The following CD59 variants were observed in gnomAD, a reference collection of about 807,000 sequenced individuals.
The protein encoded by CD59 is CD59 glycoprotein.
A neutral mutation model predicts 7.0 loss-of-function variants in CD59; 3 were observed. The observed-to-expected ratio is 0.43, with a 90% CI of 0.19 to 1.10. The LOEUF is 1.10. Among genes scored for constraint, CD59 ranks in the 50% least tolerant of loss-of-function variants. The probability of loss-of-function intolerance (pLI) is 0.29; values close to 1 mark genes in which losing one functional copy is unlikely to be tolerated. For synonymous variants in CD59, 60 were observed against 62.0 expected, an observed-to-expected ratio of 0.97 and a Z score of 0.15; for missense variants, 143 against 151.0, an observed-to-expected ratio of 0.95 and a Z score of 0.28.
chr11:33,717,361 G>C lies in CD59; in HGVS notation c.169+9C>G. The C allele has an allele frequency of 6.3e-7, 1 of 1,578,734 alleles. No individual in the cohort carries two copies. The highest frequency in any genetic ancestry group is 2.2e-5 in the East Asian group (1 of 44,724). ...TTACATTTAGGAGACAGACAGGGGA[G>C]GCTCTTACCAGCTTTGGTAATGAGA... On this transcript the variant is annotated intron_variant, in intron 3 of 3. Transcript: ENST00000642928.
intron 1 of CD59, among the ~76,000 whole-genome samples, chr11:33,726,902 G>A (rs1262188539): frequency 2.6e-5 from 4 of 152,154 alleles, no homozygotes; most frequent in Non-Finnish European, 4.4e-5. Context: ...ACACTTCTAC[G>A]CAAATAAACT....
intron 1 of CD59, chr11:33,731,290 TTATA>T (rs1488185524): frequency 1.3e-5 from 2 of 148,548 alleles, no homozygotes; most frequent in Non-Finnish European, 3.0e-5. Flanking sequence ...TATACATACA[TTATA>T]TATACACACA....
At chr11:33,714,885 G>C (rs1219886768) in intron 3 of CD59, among the ~76,000 whole-genome samples, 1 of 151,480 alleles carries the variant, frequency 6.6e-6, no homozygotes, top group African/African-American at 2.4e-5. Context: ...TGTCCTAGGA[G>C]AGCAATGCCT....
intron 1 of CD59, among the ~76,000 whole-genome samples, chr11:33,735,214 C>T (rs900574963): frequency 1.1e-4 from 17 of 152,332 alleles, no homozygotes; most frequent in African/African-American, 4.1e-4. Context: ...ACTTGAACAA[C>T]TGCTCAGGGA....
rs1183948973 is a variant in CD59, at chr11:33,707,346, A to G, written c.*2780T>C. 6.6e-6 allele frequency: 1 copy of G among 152,240 alleles called. No homozygotes were observed. Among genetic ancestry groups the G allele is most frequent in the African/African-American group, 2.4e-5 (1 of 41,458 alleles). The allele number at this position is 152,240 out of a possible 1,614,324, so 9.4% of individuals were successfully genotyped here. On this transcript the variant is annotated 3_prime_UTR_variant, in exon 4 of 4. Coordinates refer to ENST00000642928, the MANE Select transcript of CD59 (RefSeq NM_000611.6). ...AGGCTCTTATTTTTTCAGGACACAC[A>G]TAAGACATGGGGGCTAACTGCAAGG... is the stretch of plus-strand genomic sequence containing the variant.
At chr11:33,713,814 G>A (rs999232942) in intron 3 of CD59, among the ~76,000 whole-genome samples, 10 of 152,154 alleles carry the variant, frequency 6.6e-5, no homozygotes, top group Non-Finnish European at 1.5e-4. Context: ...CCTTAACGAT[G>A]GTAATAATCT....
Position 33,703,739 on chromosome 11 carries a change from TC to T in CD59, c.*6386del, listed in dbSNP as rs962103760. On this transcript the variant is annotated 3_prime_UTR_variant, in exon 4 of 4. Transcript: ENST00000642928. The stretch of plus-strand genomic sequence containing the variant: ...AGAGCTTGCCAAGGACAGGACTGAT[TC>T]TTCCTCCAGCCTCACCTATCGGGGC... The T allele has an allele frequency of 3.3e-5, 5 of 152,132 alleles. No individual in the cohort carries two copies. The highest frequency in any genetic ancestry group is 1.2e-4 in the African/African-American group (5 of 41,426). 9.4% of individuals were successfully genotyped at this position (152,132 alleles called of 1,614,324 possible).
chr11:33,734,618 G>C (rs952365021), intron 1 of CD59, among the ~76,000 whole-genome samples: 1 of 152,178 alleles, frequency 6.6e-6, no homozygotes, highest in Non-Finnish European at 1.5e-5. Flanking sequence ...CCTGCAGTTT[G>C]TTCCGGAATG....
rs1853318853 is a variant in CD59 at position 33,706,565 on chromosome 11, A to AAC, written c.*3560_*3561insGT. The AAC allele has an allele frequency of 6.6e-6, 1 of 151,918 alleles. No individual in the cohort carries two copies. The allele number at this position is 151,918 out of a possible 1,614,324, so 9.4% of individuals were successfully genotyped here. The stretch of plus-strand genomic sequence containing the variant: ...CAGAAAGGGTTTAAAAAAAAAAAAA[A>AAC]AAAAAAACTTGTCCAGAGACATAGC... On this transcript the variant is annotated 3_prime_UTR_variant, in exon 4 of 4. Transcript: ENST00000642928.
intron 1 of CD59, among the ~76,000 whole-genome samples, chr11:33,734,194 G>A (rs368007059): frequency 6.6e-6 from 1 of 152,180 alleles, no homozygotes; most frequent in African/African-American, 2.4e-5. Context: ...CCATCACTCA[G>A]TTCACGGAAC....
At chr11:33,719,269 G>A (rs1301948407) in intron 2 of CD59, 1 of 152,216 alleles carries the variant, frequency 6.6e-6, no homozygotes, top group African/African-American at 2.4e-5. Flanking sequence ...ACCCAATAGA[G>A]GATCCTCTGA....
chr11:33,730,819 A>G (rs1854395671), intron 1 of CD59, among the ~76,000 whole-genome samples: 1 of 152,222 alleles, frequency 6.6e-6, no homozygotes, highest in Non-Finnish European at 1.5e-5. Flanking sequence ...CCCAAGAAGC[A>G]GAAAAAAGTC....
intron 3 of CD59, among the ~76,000 whole-genome samples, chr11:33,716,331 G>C (rs960339579): frequency 1.3e-5 from 2 of 152,142 alleles, no homozygotes; most frequent in African/African-American, 4.8e-5. Flanking sequence ...AGGTTTTTCT[G>C]AACATGTGGG....
rs1853364115 is a variant in CD59 at position 33,707,565 on chromosome 11, C to T, written c.*2561G>A. ...CACCACCCAATACTGAACACTATGA[C>T]AGTTCCTGTAAATCCAGATGAGTGG... On this transcript the variant is annotated 3_prime_UTR_variant, in exon 4 of 4. Coordinates refer to ENST00000642928, the MANE Select transcript of CD59 (RefSeq NM_000611.6). 1 of 152,250 alleles carries T rather than the reference C, an allele frequency of 6.6e-6. No individual in the cohort carries two copies. Among genetic ancestry groups the T allele is most frequent in the African/African-American group, 2.4e-5 (1 of 41,468 alleles). The allele number at this position is 152,250 out of a possible 1,614,324, so 9.4% of individuals were successfully genotyped here.
chr11:33,728,009 G>T (rs1854307686), intron 1 of CD59, among the ~76,000 whole-genome samples: 1 of 152,012 alleles, frequency 6.6e-6, no homozygotes, highest in African/African-American at 2.4e-5. Context: ...CACTGCTCAA[G>T]GAAATAAAAG....
At chr11:33,731,925 A>C (rs1048549479) in intron 1 of CD59, among the ~76,000 whole-genome samples, 1 of 152,224 alleles carries the variant, frequency 6.6e-6, no homozygotes, top group Non-Finnish European at 1.5e-5. Flanking sequence ...GTGTTGTGGG[A>C]GGGACCTGGT....
In CD59 at chr11:33,722,895, A is replaced by C. The variant is rs993574115; in HGVS notation, c.-18-432T>G. 3 of 1,041,094 alleles carry C rather than the reference A, an allele frequency of 2.9e-6. No individual in the cohort carries two copies. In the African/African-American group the frequency reaches 5.0e-5, roughly 17 times the overall value. 64.5% of individuals were successfully genotyped at this position (1,041,094 alleles called of 1,614,324 possible). On this transcript the variant is annotated intron_variant, in intron 1 of 3. Coordinates refer to ENST00000642928, the MANE Select transcript of CD59 (RefSeq NM_000611.6). ...ACCAGCATGCATTCAGCAGTGGAAC[A>C]GGGAGCAATGGCTTAGCATACCTGG... is the stretch of plus-strand genomic sequence containing the variant.
chr11:33,709,130 T>C lies in CD59; in HGVS notation c.*996A>G, dbSNP rs1389254957. 1.3e-5 allele frequency: 2 copies of C among 152,214 alleles called. No homozygotes were observed. Among genetic ancestry groups the C allele is most frequent in the Non-Finnish European group, 2.9e-5 (2 of 68,050 alleles). The allele number at this position is 152,214 out of a possible 1,614,324, so 9.4% of individuals were successfully genotyped here. ...AGTGTGCTAAGAGCCGTTACAAAGGTATTTTATACAATCTATGCTGAGTCA... is the reference window on the plus strand; with the variant it reads ...AGTGTGCTAAGAGCCGTTACAAAGGCATTTTATACAATCTATGCTGAGTCA... On this transcript the variant is annotated 3_prime_UTR_variant, in exon 4 of 4. Transcript: ENST00000642928.
intron 1 of CD59, among the ~76,000 whole-genome samples, chr11:33,724,907 G>A (rs978119185): frequency 6.6e-5 from 10 of 152,038 alleles, no homozygotes; most frequent in South Asian, 2.1e-4. Flanking sequence ...ATAAGACCAG[G>A]CCTTTATGAA....
Sources: allele counts gnomAD v4.1 joint callset (sites outside exome capture counted in the v4.1 genomes callset), GRCh38; gene constraint gnomAD v4.1.1; transcripts MANE v1.5; gene names NCBI Gene and HGNC (gene_info 2026-07-23, HGNC 2026-07-21).